The following LTBP2 variants were observed in gnomAD, a reference collection of about 807,000 sequenced individuals.
LTBP2 encodes the protein latent-transforming growth factor beta-binding protein 2.
In LTBP2, 103 loss-of-function variants were observed where a neutral mutation model predicts 210.6. That is an observed-to-expected ratio of 0.49 (90% CI 0.42 to 0.58). The LOEUF is 0.58. Among genes scored for constraint, LTBP2 ranks in the 20% least tolerant of loss-of-function variants. The pLI is 0.00. For synonymous variants in LTBP2, 1,007 were observed against 1,015.0 expected (o/e 0.99, Z 0.15); for missense variants, 2,313 against 2,494.5 (o/e 0.93, Z 1.55).
intron 3 of LTBP2, among the ~76,000 whole-genome samples, chr14:74,572,392 C>A (rs2087994864): frequency 6.6e-6 from 1 of 150,420 alleles, no homozygotes; most frequent in South Asian, 2.1e-4. Context: ...AGTGCCGAGA[C>A]ACTGATTCAG....
rs780546969 is a variant in LTBP2 at position 74,522,789 on chromosome 14, C to T, written c.2659+1G>A. On this transcript the variant is annotated splice_donor_variant, in intron 16 of 35. Transcript: ENST00000261978. LOFTEE classifies it high-confidence loss of function. Reference sequence around the variant, plus strand: ...TAAGCCCAGGGCACCCAAGTGAATACCTGTGCAGTAGGCCTGGCTGGGGTG... The same window carrying T: ...TAAGCCCAGGGCACCCAAGTGAATATCTGTGCAGTAGGCCTGGCTGGGGTG... The T allele has an allele frequency of 8.7e-6, 14 of 1,610,386 alleles. No individual in the cohort carries two copies. Among genetic ancestry groups the T allele is most frequent in the Non-Finnish European group, 1.2e-5 (14 of 1,178,654 alleles).
intron 3 of LTBP2, among the ~76,000 whole-genome samples, chr14:74,577,474 C>A (rs2139778747): frequency 6.6e-6 from 1 of 151,658 alleles, no homozygotes; most frequent in African/African-American, 2.4e-5. Context: ...GGAAGATGGC[C>A]AGGCTGGCCG....
At chr14:74,598,960 C>G (rs371975765) in intron 2 of LTBP2, among the ~76,000 whole-genome samples, 2 of 152,264 alleles carry the variant, frequency 1.3e-5, no homozygotes, top group Middle Eastern at 3.4e-3. Flanking sequence ...GACAGACAGC[C>G]GACCTCATTT....
At chr14:74,501,738 G>T in intron 34 of LTBP2, 148 bp from the exon 35 acceptor site, 1 of 961,974 alleles carries the variant, frequency 1.0e-6, no homozygotes, top group Non-Finnish European at 1.5e-6. Flanking sequence ...CTTGTGGAAA[G>T]ATGCTAGAAC....
At chr14:74,535,490 T>A (rs1235131507) in intron 9 of LTBP2, among the ~76,000 whole-genome samples, 1 of 152,004 alleles carries the variant, frequency 6.6e-6, no homozygotes, top group Non-Finnish European at 1.5e-5. Context: ...GAAGCCTGAG[T>A]AGCTAAAGGT....
intron 1 of LTBP2, among the ~76,000 whole-genome samples, chr14:74,604,164 C>CAAACAAAAAAA (rs1273987376): frequency 1.4e-5 from 1 of 72,750 alleles, no homozygotes; most frequent in African/African-American, 7.5e-5. Context: ...TGCCTCTCAC[C>CAAACAAAAAAA]AAAAAAAAAA....
In LTBP2 at chr14:74,509,279, T is replaced by C. The variant is rs896289974; in HGVS notation, c.3362A>G (p.Asp1121Gly). 1.2e-6 allele frequency: 2 copies of C among 1,613,478 alleles called. No homozygotes were observed. Among genetic ancestry groups the C allele is most frequent in the African/African-American group, 2.7e-5 (2 of 74,916 alleles). Residue 1121 changes from aspartate (D) to glycine (G), a missense_variant, in exon 22 of 36, where the codon GAT (aspartate) becomes GGT (glycine). Transcript: ENST00000261978. Reference protein sequence around the residue: ...TAGSFSCKDCDGGYRPSPLGD... With the variant: ...TAGSFSCKDCGGGYRPSPLGD... Reference sequence around the variant, plus strand: ...CAGGGGGCTGGGCCGGTAGCCCCCATCGCAGTCCTTGCAGGAGAAGGAGCC... The same window carrying C: ...CAGGGGGCTGGGCCGGTAGCCCCCACCGCAGTCCTTGCAGGAGAAGGAGCC...
intron 17 of LTBP2, among the ~76,000 whole-genome samples, chr14:74,518,683 T>C (rs988048075): frequency 2.6e-5 from 4 of 152,254 alleles, no homozygotes; most frequent in African/African-American, 9.6e-5. Flanking sequence ...AAGGACAGTG[T>C]CTTCACTTGA....
intron 3 of LTBP2, among the ~76,000 whole-genome samples, chr14:74,575,052 C>T (rs1348046921): frequency 1.3e-5 from 2 of 152,186 alleles, no homozygotes; most frequent in South Asian, 2.1e-4. Context: ...GGCTTTATCA[C>T]GCAGAAGAAG....
Position 74,585,933 on chromosome 14 carries a change from C to G in LTBP2, c.751G>C (p.Ala251Pro). The change falls in exon 3 of 36, where the codon GCG becomes CCG. Residue 251 changes from alanine to proline, a missense_variant. Physicochemically the swap from Ala to Pro is conservative, Grantham distance 27. Transcript: ENST00000261978. Reference sequence around the variant, plus strand: ...CTGGCCAAGGTGCCCTCTCCAGCCGCACTGCTCCTGCGCAGGTTGGGTGAA... The same window carrying G: ...CTGGCCAAGGTGCCCTCTCCAGCCGGACTGCTCCTGCGCAGGTTGGGTGAA... ...ERSPNLRRSSAAGEGTLARAQ... is the reference protein window; with the variant it reads ...ERSPNLRRSSPAGEGTLARAQ... 9 of 1,613,916 alleles carry G rather than the reference C, an allele frequency of 5.6e-6. No individual in the cohort carries two copies. The highest frequency in any genetic ancestry group is 7.6e-6 in the Non-Finnish European group (9 of 1,179,926).
Position 74,508,672 on chromosome 14 carries a change from C to T in LTBP2, c.3584G>A (p.Ser1195Asn). Residue 1195 changes from serine (S) to asparagine (N), a missense_variant, in exon 24 of 36, where the codon AGC (serine) becomes AAC (asparagine). By Grantham distance (46) the Ser-to-Asn change is conservative. Transcript: ENST00000261978. ...HCAPHGECLN[S>N]HGSFFCLCAP... ...GCACAGACAGAAGAAAGACCCGTGGCTGTTGAGGCACTCGCCGTGGGGTGC... is the reference window on the plus strand; with the variant it reads ...GCACAGACAGAAGAAAGACCCGTGGTTGTTGAGGCACTCGCCGTGGGGTGC... 1 of 1,613,630 alleles carries T rather than the reference C, an allele frequency of 6.2e-7. No individual in the cohort carries two copies. The highest frequency in any genetic ancestry group is 8.5e-7 in the Non-Finnish European group (1 of 1,180,000).
intron 13 of LTBP2, 150 bp downstream of exon 13, chr14:74,527,197 C>T: frequency 2.0e-6 from 2 of 994,066 alleles, no homozygotes; most frequent in Non-Finnish European, 1.5e-6. Flanking sequence ...TCAATCCTCC[C>T]ACTTGGTCAT....
chr14:74,564,519 T>G (rs572053620), intron 3 of LTBP2, among the ~76,000 whole-genome samples: 1 of 147,118 alleles, frequency 6.8e-6, no homozygotes, highest in Admixed American at 7.2e-5. Flanking sequence ...CTCAGCCTCC[T>G]GAGTAGCTGG....
intron 2 of LTBP2, among the ~76,000 whole-genome samples, chr14:74,591,246 A>T (rs997418124): frequency 3.9e-5 from 6 of 152,210 alleles, no homozygotes; most frequent in Non-Finnish European, 8.8e-5. Context: ...CATTCCTAGA[A>T]ACCATTTTCC....
In LTBP2 at chr14:74,532,443, G is replaced by A. The variant is rs150361429; in HGVS notation, c.1970C>T (p.Ser657Leu). 216 of 1,613,996 alleles carry A rather than the reference G, an allele frequency of 1.3e-4. No individual in the cohort carries two copies. Among genetic ancestry groups the A allele is most frequent in the Non-Finnish European group, 1.7e-4 (203 of 1,180,032 alleles). ...GCACTCACACACACAGCGGCTCCGC[G>A]ATGGATCCAGCATGAGGCCAGGTCT... is the stretch of plus-strand genomic sequence containing the variant. Reference protein sequence around the residue: ...TCRPGLMLDPSRSRCVSDKAI... With the variant: ...TCRPGLMLDPLRSRCVSDKAI... Residue 657 changes from serine to leucine, a missense_variant, in exon 10 of 36, where the codon TCG (serine) becomes TTG (leucine). Around this residue, in one of 3 missense-constraint regions of LTBP2, gnomAD observed 1,867 missense variants for 1,976.9 expected, o/e 0.94. Coordinates refer to ENST00000261978, the MANE Select transcript of LTBP2 (RefSeq NM_000428.3).
chr14:74,555,048 T>C (rs1349751561), intron 4 of LTBP2, among the ~76,000 whole-genome samples: 1 of 151,014 alleles, frequency 6.6e-6, no homozygotes, highest in Non-Finnish European at 1.5e-5. Context: ...CAGGGAGGGG[T>C]TGTCAGGCAA....
intron 15 of LTBP2, 73 bp from the exon 16 acceptor site, chr14:74,522,991 A>G (rs1471022435): frequency 3.2e-6 from 5 of 1,560,196 alleles, no homozygotes; most frequent in African/African-American, 1.3e-5. Flanking sequence ...CGGGGTGGGG[A>G]CAGTCAGTGG....
At chr14:74,527,861 G>A (rs1221806127) in intron 12 of LTBP2, among the ~76,000 whole-genome samples, 2 of 152,224 alleles carry the variant, frequency 1.3e-5, no homozygotes, top group African/African-American at 4.8e-5. Context: ...CTGGGGCTCT[G>A]TCCTCACTCC....
Position 74,521,416 on chromosome 14 carries a change from G to A in LTBP2, c.2788+495C>T, listed in dbSNP as rs574932549. Among the ~76,000 whole-genome samples, 4 of 96,540 alleles carry A rather than the reference G, an allele frequency of 4.1e-5. No individual in the cohort carries two copies. The South Asian group carries it at 1.4e-3, about 33-fold the overall frequency. 63.3% of individuals were successfully genotyped at this position (96,540 alleles called of 152,430 possible). The stretch of plus-strand genomic sequence containing the variant: ...GAGCGTATTTATCAAGGGTCCCCTG[G>A]CAGTGGGCCACATCACATCTTCCCA... On this transcript the variant is annotated intron_variant, in intron 17 of 35. Coordinates refer to ENST00000261978, the MANE Select transcript of LTBP2 (RefSeq NM_000428.3).
Sources: allele counts gnomAD v4.1 joint callset (sites outside exome capture counted in the v4.1 genomes callset), GRCh38; gene constraint gnomAD v4.1.1; regional missense constraint gnomAD v4.1.1; transcripts MANE v1.5; gene names NCBI Gene and HGNC (gene_info 2026-07-23, HGNC 2026-07-21).